Variants in NKX3-2 observed in about 807,000 individuals in gnomAD.
NKX3-2 encodes the protein NK3 homeobox 2.
A neutral mutation model predicts 19.4 loss-of-function variants in NKX3-2; 13 were observed. That is an observed-to-expected ratio of 0.67 (90% confidence interval 0.44 to 1.07). The LOEUF is 1.07. Ranked by LOEUF, NKX3-2 falls within the 50% of genes least tolerant of loss-of-function variation. NKX3-2 has a pLI of 0.00. For synonymous variants in NKX3-2, 269 were observed against 230.5 expected (o/e 1.17, Z -1.51); for missense variants, 562 against 488.2 (o/e 1.15, Z -1.42).
At position 13,544,228 on chromosome 4, in the gene NKX3-2, A is replaced by G. The variant is rs753022733; in HGVS notation, c.187T>C (p.Leu63=). ...RLFGERDAGA[L]GGAEDSLLAS... is the part of the protein sequence containing the mutation. Reference sequence around the variant, plus strand: ...AGCAGAGAGTCCTCGGCGCCCCCCAACGCGCCCGCGTCCCTCTCCCCAAAG... The same window carrying G: ...AGCAGAGAGTCCTCGGCGCCCCCCAGCGCGCCCGCGTCCCTCTCCCCAAAG... Residue 63 remains leucine (L), a synonymous_variant, in exon 1 of 2, where the codon TTG becomes CTG. Transcript: ENST00000382438. 8 of 1,589,260 alleles carry G rather than the reference A, an allele frequency of 5.0e-6. No individual in the cohort carries two copies. Among genetic ancestry groups the G allele is most frequent in the South Asian group, 1.1e-5 (1 of 89,290 alleles).
Position 13,544,374 on chromosome 4 carries a change from A to C in NKX3-2, c.41T>G (p.Ile14Ser). 1 of 1,551,466 alleles carries C rather than the reference A, an allele frequency of 6.4e-7. No individual in the cohort carries two copies. The highest frequency in any genetic ancestry group is 8.6e-7 in the Non-Finnish European group (1 of 1,158,334). Residue 14 changes from isoleucine (I) to serine (S), a missense_variant, in exon 1 of 2, where the codon ATC becomes AGC. Coordinates refer to ENST00000382438, the MANE Select transcript of NKX3-2 (RefSeq NM_001189.4). Reference protein sequence around the residue: ...RGANTLTSFSIQAILNKKEER... With the variant: ...RGANTLTSFSSQAILNKKEER... ...CTCTTTCTTGTTGAGGATCGCCTGG[A>C]TGGAGAAGGACGTCAAGGTGTTGGC...
Position 13,543,364 on chromosome 4 carries a change from C to T in NKX3-2, c.466+585G>A, listed in dbSNP as rs972805799. Among the ~76,000 whole-genome samples, 16 of 152,164 alleles carry T rather than the reference C, an allele frequency of 1.1e-4. No homozygotes were observed. The highest frequency in any genetic ancestry group is 1.6e-4 in the Non-Finnish European group (11 of 68,028). On this transcript the variant is annotated intron_variant, in intron 1 of 1. Transcript: ENST00000382438. This position sits in a 1 kb window ranked among gnomAD's most constrained non-coding sequence, Gnocchi z 7.1. ...CTCCAGGATGAACTAAAGACCCAAT[C>T]CGGGATCTTCGGCCTAGGGCTGCTC...
chr4:13,545,155 A>T (rs965414182), upstream of NKX3-2: 1 of 152,404 alleles, frequency 6.6e-6, no homozygotes, highest in South Asian at 2.1e-4. Flanking sequence ...CAGTTGGGCG[A>T]CGTTGACTTT....
At position 13,541,961 on chromosome 4, in the gene NKX3-2, G is replaced by A; in HGVS notation, c.*32C>T. ...CAGCGCCGGTCCGGAGCCGGAGCGC[G>A]GGAATCACTCGCTGCCTCAGCCCAA... On this transcript the variant is annotated 3_prime_UTR_variant, in exon 2 of 2. Transcript: ENST00000382438. The A allele has an allele frequency of 6.4e-7, 1 of 1,557,882 alleles. No individual in the cohort carries two copies. The highest frequency in any genetic ancestry group is 1.9e-5 in the Admixed American group (1 of 51,994).
upstream of NKX3-2, chr4:13,544,574 T>G: frequency 2.6e-6 from 1 of 378,410 alleles, no homozygotes; most frequent in Non-Finnish European, 4.4e-6. Flanking sequence ...CCCCACTCCG[T>G]CCCAGGATCA....
In NKX3-2 at chr4:13,543,443, T is replaced by C. The variant is rs937894211; in HGVS notation, c.466+506A>G. Among the ~76,000 whole-genome samples, 1 of 152,160 alleles carries C rather than the reference T, an allele frequency of 6.6e-6. No homozygotes were observed. Among genetic ancestry groups the C allele is most frequent in the Non-Finnish European group, 1.5e-5 (1 of 68,036 alleles). On this transcript the variant is annotated intron_variant, in intron 1 of 1. Transcript: ENST00000382438. This position sits in a 1 kb window ranked among gnomAD's most constrained non-coding sequence, Gnocchi z 7.1. ...ACCAGCCCTTTCCCCAAAGCTCTAGTTCTGCAGATTCTCAGCTCTGGCCCA... is the reference window on the plus strand; with the variant it reads ...ACCAGCCCTTTCCCCAAAGCTCTAGCTCTGCAGATTCTCAGCTCTGGCCCA...
In NKX3-2 at chr4:13,543,314, A is replaced by G. The variant is rs921335598; in HGVS notation, c.466+635T>C. On this transcript the variant is annotated intron_variant, in intron 1 of 1. Coordinates refer to ENST00000382438, the MANE Select transcript of NKX3-2 (RefSeq NM_001189.4). This position sits in a 1 kb window ranked among gnomAD's most constrained non-coding sequence, Gnocchi z 7.1. Reference sequence around the variant, plus strand: ...TCCAGACCACAGGACAGGACAGGCCACGGCTGAGGAGGCCTCTCTCCTGCC... The same window carrying G: ...TCCAGACCACAGGACAGGACAGGCCGCGGCTGAGGAGGCCTCTCTCCTGCC... 1.3e-5 allele frequency among the ~76,000 whole-genome samples: 2 copies of G among 152,208 alleles called. No individual in the cohort carries two copies. Among genetic ancestry groups the G allele is most frequent in the African/African-American group, 4.8e-5 (2 of 41,466 alleles).
chr4:13,545,325 T>A (rs1718108486), upstream of NKX3-2, among the ~76,000 whole-genome samples: 1 of 152,230 alleles, frequency 6.6e-6, no homozygotes, highest in Non-Finnish European at 1.5e-5. Flanking sequence ...ATTCCAGCGC[T>A]TTAACAGAAC....
Position 13,541,923 on chromosome 4 carries a change from A to G in NKX3-2, c.*70T>C. 1.3e-6 allele frequency: 2 copies of G among 1,544,402 alleles called. No individual in the cohort carries two copies. The highest frequency in any genetic ancestry group is 1.7e-6 in the Non-Finnish European group (2 of 1,144,396). ...TGGCGGGGCGCCCCGTGCAGGCTAC[A>G]GCCTACAGCTGTCAGCGCCGGTCCG... On this transcript the variant is annotated 3_prime_UTR_variant, in exon 2 of 2. Coordinates refer to ENST00000382438, the MANE Select transcript of NKX3-2 (RefSeq NM_001189.4).
rs1392913480 is a variant in NKX3-2, at chr4:13,542,163, T to A, written c.832A>T (p.Lys278Ter). ...ADLLASAPAA[K>*]KVAVKVLVRD... is the part of the protein sequence containing the mutation. ...ACCAGCACCTTTACGGCCACCTTCT[T>A]GGCGGCGGGCGCCGAGGCCAGCAGG... The change falls in exon 2 of 2, where the codon AAG (lysine) becomes TAG (stop). Residue 278 changes from lysine to a stop codon, truncating the protein, a stop_gained. Transcript: ENST00000382438. LOFTEE classifies it high-confidence loss of function. This position sits in a 1 kb window ranked among gnomAD's most constrained non-coding sequence, Gnocchi z 6.4. The A allele has an allele frequency of 6.2e-7, 1 of 1,609,224 alleles. No homozygotes were observed. The highest frequency in any genetic ancestry group is 1.1e-5 in the South Asian group (1 of 90,530).
At position 13,544,090 on chromosome 4, in the gene NKX3-2, C is replaced by T. The variant is rs759321202; in HGVS notation, c.325G>A (p.Asp109Asn). 3 of 1,587,204 alleles carry T rather than the reference C, an allele frequency of 1.9e-6. No homozygotes were observed. The Admixed American group carries it at 5.3e-5, about 28-fold the overall frequency. The change falls in exon 1 of 2, where the codon GAC becomes AAC. Residue 109 changes from aspartate (D) to asparagine (N), a missense_variant. Coordinates refer to ENST00000382438, the MANE Select transcript of NKX3-2 (RefSeq NM_001189.4). ...EENESRRRCA[D>N]ARGASGAGLA... is the part of the protein sequence containing the mutation. ...CCGGCCCCGCTGGCCCCCCGCGCGT[C>T]CGCGCAGCGCCGCCTGCTCTCGTTC...
chr4:13,544,632 C>T (rs1718083110), upstream of NKX3-2: 1 of 311,832 alleles, frequency 3.2e-6, no homozygotes, highest in Non-Finnish European at 5.8e-6. Flanking sequence ...CCCGGAGACC[C>T]CCTCCCCCCG....
chr4:13,543,843 G>A lies in NKX3-2; in HGVS notation c.466+106C>T. 1.9e-6 allele frequency: 2 copies of A among 1,074,136 alleles called. No individual in the cohort carries two copies. Among genetic ancestry groups the A allele is most frequent in the Admixed American group, 3.1e-5 (1 of 31,998 alleles). The allele number at this position is 1,074,136 out of a possible 1,614,324, so 66.5% of individuals were successfully genotyped here. On this transcript the variant is annotated intron_variant, in intron 1 of 1. Coordinates refer to ENST00000382438, the MANE Select transcript of NKX3-2 (RefSeq NM_001189.4). This position sits in a 1 kb window ranked among gnomAD's most constrained non-coding sequence, Gnocchi z 7.1. Reference sequence around the variant, plus strand: ...GAACTTCGGGATTTGGCCAGCCTCCGAGCCCCAGGGCGCAGGGTGCTCAAG... The same window carrying A: ...GAACTTCGGGATTTGGCCAGCCTCCAAGCCCCAGGGCGCAGGGTGCTCAAG...
rs1162589995 is a variant in NKX3-2, at chr4:13,540,913, T to C, written c.*1080A>G. 6.6e-6 allele frequency: 1 copy of C among 152,198 alleles called. No individual in the cohort carries two copies. The highest frequency in any genetic ancestry group is 1.5e-5 in the Non-Finnish European group (1 of 68,036). The allele number at this position is 152,198 out of a possible 1,614,324, so 9.4% of individuals were successfully genotyped here. A position where few individuals can be genotyped will look rare whatever the true frequency, so the allele number is the denominator to read the frequency against. ...ACTTCACAAATCTTTTTACAGTTAA[T>C]ACTCTAGTTGAGTGCACAGTGCCAT... is the stretch of plus-strand genomic sequence containing the variant. On this transcript the variant is annotated 3_prime_UTR_variant, in exon 2 of 2. Coordinates refer to ENST00000382438, the MANE Select transcript of NKX3-2 (RefSeq NM_001189.4).
upstream of NKX3-2, among the ~76,000 whole-genome samples, chr4:13,545,527 A>G (rs571074349): frequency 6.6e-6 from 1 of 152,242 alleles, no homozygotes; most frequent in South Asian, 2.1e-4. Context: ...GTTAATTAAG[A>G]TCACTCTAGA....
In NKX3-2 at chr4:13,542,293, G is replaced by C. The variant is rs758315408; in HGVS notation, c.702C>G (p.Pro234=). 7 of 1,607,880 alleles carry C rather than the reference G, an allele frequency of 4.4e-6. No homozygotes were observed. The highest frequency in any genetic ancestry group is 1.3e-5 in the African/African-American group (1 of 74,926). The change falls in exon 2 of 2, where the codon CCC becomes CCG. Residue 234 remains proline (P), a synonymous_variant. Coordinates refer to ENST00000382438, the MANE Select transcript of NKX3-2 (RefSeq NM_001189.4). The surrounding 1 kb of genome is among the most constrained non-coding windows in gnomAD (Gnocchi z 6.4). ...GCGACGCGGCCAGGTCTGCGCGCTC[G>C]GGCCCGGACAGGTAGCGCTGGTGGT... ...RFNHQRYLSG[P]ERADLAASLK...
chr4:13,547,634 T>C (rs1320334777), upstream of NKX3-2: 2 of 164,732 alleles, frequency 1.2e-5, no homozygotes, highest in Non-Finnish European at 2.6e-5. Context: ...GTTTGGATCC[T>C]ACGGGCCCCC....
chr4:13,544,379 GA>G lies in NKX3-2; in HGVS notation c.35del (p.Phe12SerfsTer112). On this transcript the variant is annotated frameshift_variant, in exon 1 of 2. Coordinates refer to ENST00000382438, the MANE Select transcript of NKX3-2 (RefSeq NM_001189.4). LOFTEE classifies it high-confidence loss of function. Reference protein sequence around the residue: ...AVRGANTLTSFSIQAILNKKE... With the variant: ...AVRGANTLTSXSIQAILNKKE... ...TCTTGTTGAGGATCGCCTGGATGGA[GA>G]AGGACGTCAAGGTGTTGGCGCCGCG... The G allele has an allele frequency of 6.4e-7, 1 of 1,551,446 alleles. No individual in the cohort carries two copies. The highest frequency in any genetic ancestry group is 8.6e-7 in the Non-Finnish European group (1 of 1,158,404).
chr4:13,547,578 A>C, upstream of NKX3-2: 1 of 203,590 alleles, frequency 4.9e-6, no homozygotes, highest in Non-Finnish European at 9.7e-6. Flanking sequence ...CTCCTCCTCC[A>C]CACCTTTGTC....
Sources: gnomAD v4.1 joint callset for allele counts (sites outside exome capture counted in the v4.1 genomes callset) on GRCh38, gnomAD v4.1.1 for gene constraint, Gnocchi (gnomAD v3.1) non-coding constraint, MANE v1.5 for transcripts, NCBI Gene and HGNC (gene_info 2026-07-23, HGNC 2026-07-21) for gene names.